Variants in ADGRV1 observed in about 807,000 individuals in gnomAD.
ADGRV1 encodes adhesion G protein-coupled receptor V1.
In ADGRV1, 359 loss-of-function variants were observed where a neutral mutation model predicts 596.2. The observed-to-expected ratio is 0.60, with a 90% CI of 0.55 to 0.66. ADGRV1 has a LOEUF of 0.66. Ranked by LOEUF, ADGRV1 falls within the 30% of genes least tolerant of loss-of-function variation. The pLI is 0.00. For missense variants in ADGRV1, 7,274 were observed against 7,575.6 expected (o/e 0.96, Z 1.48); for synonymous variants, 2,681 against 2,679.2 (o/e 1.00, Z -0.02).
intron 1 of ADGRV1, among the ~76,000 whole-genome samples, chr5:90,598,358 A>G (rs759660114): frequency 7.9e-5 from 12 of 152,248 alleles, no homozygotes; most frequent in Non-Finnish European, 1.3e-4. Context: ...GTGTCCATGA[A>G]CGAAAAGACT....
At chr5:91,008,814 A>G (rs1173663908) in intron 85 of ADGRV1, among the ~76,000 whole-genome samples, 1 of 152,170 alleles carries the variant, frequency 6.6e-6, no homozygotes, top group Non-Finnish European at 1.5e-5. Context: ...ATAATTTTAC[A>G]TAATGGTTGT....
rs757134553 is a variant in ADGRV1, at chr5:90,748,822, TG to T, written c.10975-1728del. ...GTTTGTCTATCATCAAGTTTTTTTT[TG>T]TTTTTTTTTTAACTAGAATTGAAGA... On this transcript the variant is annotated intron_variant, in intron 52 of 89. Coordinates refer to ENST00000405460, the MANE Select transcript of ADGRV1 (RefSeq NM_032119.4). 7.3e-4 allele frequency among the ~76,000 whole-genome samples: 110 copies of T among 150,852 alleles called. 2 individuals carry two copies. The highest frequency in any genetic ancestry group is 3.5e-3 in the Middle Eastern group (1 of 288).
At chr5:91,066,897 A>G (rs1337085035) in intron 85 of ADGRV1, among the ~76,000 whole-genome samples, 2 of 152,224 alleles carry the variant, frequency 1.3e-5, no homozygotes, top group Non-Finnish European at 2.9e-5. Flanking sequence ...GCCAACGAGA[A>G]CAGGCATGCT....
At chr5:90,727,929 AC>A (rs1414705740) in intron 48 of ADGRV1, among the ~76,000 whole-genome samples, 1 of 152,186 alleles carries the variant, frequency 6.6e-6, no homozygotes, top group East Asian at 1.9e-4. Flanking sequence ...TCTCTATCAG[AC>A]CATCCTAATT....
chr5:91,012,874 C>A (rs1038186748), intron 85 of ADGRV1, among the ~76,000 whole-genome samples: 1 of 151,906 alleles, frequency 6.6e-6, no homozygotes, highest in African/African-American at 2.4e-5. Flanking sequence ...CTCCCTCCTC[C>A]CACCTCCACC....
chr5:90,918,441 G>T (rs562533811), intron 83 of ADGRV1, among the ~76,000 whole-genome samples: 2 of 152,128 alleles, frequency 1.3e-5, no homozygotes, highest in Non-Finnish European at 2.9e-5. Flanking sequence ...TTTATCTCTT[G>T]CATCTTCTAC....
rs567063643 is a variant in ADGRV1 at position 91,063,687 on chromosome 5, T to C, written c.18153-8760T>C. Among the ~76,000 whole-genome samples the C allele has an allele frequency of 1.8e-3, 280 of 152,294 alleles. 1 individual carries two copies. The highest frequency in any genetic ancestry group is 6.4e-3 in the African/African-American group (265 of 41,564). ...TTATGTTTTCATTTCACATTGAAAA[T>C]CAGTCAAATTTGCTTCAGCCTCAAA... On this transcript the variant is annotated intron_variant, in intron 85 of 89. Coordinates refer to ENST00000405460, the MANE Select transcript of ADGRV1 (RefSeq NM_032119.4).
intron 75 of ADGRV1, among the ~76,000 whole-genome samples, chr5:90,820,960 C>G (rs1451204303): frequency 6.6e-6 from 1 of 151,712 alleles, no homozygotes; most frequent in Non-Finnish European, 1.5e-5. Context: ...TGAATGTTGG[C>G]CTGCCTTGCT....
intron 85 of ADGRV1, among the ~76,000 whole-genome samples, chr5:91,010,427 T>G (rs1782630670): frequency 6.6e-6 from 1 of 152,114 alleles, no homozygotes; most frequent in Non-Finnish European, 1.5e-5. Context: ...TCATTGACTT[T>G]TGTTTGGCCT....
chr5:90,679,752 T>C (rs1197945700), intron 26 of ADGRV1, 123 bp downstream of exon 26: 3 of 587,794 alleles, frequency 5.1e-6, no homozygotes, highest in Admixed American at 6.4e-5. Context: ...TTTTATCTTA[T>C]TAACTGTCAC....
chr5:91,004,504 G>A lies in ADGRV1; in HGVS notation c.18152+18982G>A, dbSNP rs532116613. Among the ~76,000 whole-genome samples the A allele has an allele frequency of 1.1e-4, 16 of 152,112 alleles. No individual in the cohort carries two copies. The East Asian group carries it at 3.1e-3, about 29-fold the overall frequency. On this transcript the variant is annotated intron_variant, in intron 85 of 89. Transcript: ENST00000405460. ...GGAACGCTTAGGGAAAGAAAGTGGT[G>A]ATAAACTAGAAGATTATGTATACTA...
intron 83 of ADGRV1, among the ~76,000 whole-genome samples, chr5:90,956,547 GA>G (rs1777497353): frequency 6.6e-6 from 1 of 152,104 alleles, no homozygotes; most frequent in South Asian, 2.1e-4. Flanking sequence ...TGAGAAATGT[GA>G]CTTTGAAAAT....
chr5:90,873,761 C>T (rs923936941), intron 83 of ADGRV1, among the ~76,000 whole-genome samples: 5 of 151,018 alleles, frequency 3.3e-5, no homozygotes, highest in African/African-American at 1.2e-4. Context: ...CGCCACTGCA[C>T]TCCAGCCTGG....
At position 91,102,307 on chromosome 5, in the gene ADGRV1, G is replaced by A. The variant is rs1456478304; in HGVS notation, c.18399G>A (p.Met6133Ile). The A allele has an allele frequency of 1.9e-6, 3 of 1,605,270 alleles. No individual in the cohort carries two copies. Among genetic ancestry groups the A allele is most frequent in the South Asian group, 2.2e-5 (2 of 89,100 alleles). ...GLHMAYRHFW[M>I]LVLFVIFNSL... ...ACATGGCCTACAGACACTTCTGGAT[G>A]TTGGTTCTCTTTGTCATTTTCAACA... The change falls in exon 87 of 90, where the codon ATG (methionine) becomes ATA (isoleucine). Residue 6133 changes from methionine (M) to isoleucine (I), a missense_variant. Met to Ile is a conservative substitution (Grantham distance 10, BLOSUM62 1). This residue lies in a region of ADGRV1 where 1,874 missense variants were observed against 1,970.2 expected (regional missense o/e 0.95). Coordinates refer to ENST00000405460, the MANE Select transcript of ADGRV1 (RefSeq NM_032119.4).
intron 86 of ADGRV1, among the ~76,000 whole-genome samples, chr5:91,081,708 C>T (rs896808437): frequency 6.6e-6 from 1 of 152,128 alleles, no homozygotes; most frequent in African/African-American, 2.4e-5. Context: ...ATGTCTTGAA[C>T]CCGGGAGGCA....
intron 29 of ADGRV1, among the ~76,000 whole-genome samples, chr5:90,688,759 G>GT (rs1415439017): frequency 2.0e-5 from 3 of 152,130 alleles, no homozygotes; most frequent in African/African-American, 7.2e-5. Context: ...GAAAACACTG[G>GT]TTTTCTCTGA....
chr5:90,560,149 C>T (rs578148590), intron 1 of ADGRV1, among the ~76,000 whole-genome samples: 1 of 152,276 alleles, frequency 6.6e-6, no homozygotes, highest in Non-Finnish European at 1.5e-5. Context: ...TTCACCCATC[C>T]TTCCAGGCAT....
At chr5:91,147,706 G>A (rs1040349739) in intron 87 of ADGRV1, among the ~76,000 whole-genome samples, 1 of 152,158 alleles carries the variant, frequency 6.6e-6, no homozygotes, top group African/African-American at 2.4e-5. Context: ...ATAGCAGTGT[G>A]AGAACAGACT....
intron 84 of ADGRV1, among the ~76,000 whole-genome samples, chr5:90,980,727 A>G (rs752015971): frequency 6.6e-6 from 1 of 152,210 alleles, no homozygotes; most frequent in African/African-American, 2.4e-5. Flanking sequence ...GCGTTCTGTT[A>G]GTTCCACATT....
Sources: allele counts gnomAD v4.1 joint callset (sites outside exome capture counted in the v4.1 genomes callset), GRCh38; gene constraint gnomAD v4.1.1; regional missense constraint gnomAD v4.1.1; transcripts MANE v1.5; gene names NCBI Gene and HGNC (gene_info 2026-07-23, HGNC 2026-07-21).